The following FAM135A variants were observed in gnomAD, a reference collection of about 807,000 sequenced individuals.
FAM135A encodes protein FAM135A.
Under a neutral mutation model 146.8 loss-of-function variants are expected in FAM135A, and 79 were observed. That is an observed-to-expected ratio of 0.54 (90% CI 0.45 to 0.65). The LOEUF (loss-of-function observed/expected upper bound fraction) is 0.65. Among genes scored for constraint, FAM135A ranks in the 30% least tolerant of loss-of-function variants. The probability of loss-of-function intolerance (pLI) is 0.00; values close to 1 mark genes in which losing one functional copy is unlikely to be tolerated. For synonymous variants in FAM135A, 562 were observed against 603.6 expected, an observed-to-expected ratio of 0.93 and a Z score of 1.01; for missense variants, 1,623 against 1,758.2, an observed-to-expected ratio of 0.92 and a Z score of 1.38.
intron 11 of FAM135A, among the ~76,000 whole-genome samples, chr6:70,496,910 C>G (rs932911885): frequency 1.3e-5 from 2 of 152,036 alleles, no homozygotes; most frequent in African/African-American, 4.8e-5. Context: ...TTACTGTAGC[C>G]TTGCAGTGTA....
intron 5 of FAM135A, among the ~76,000 whole-genome samples, chr6:70,472,913 C>T (rs1781891939): frequency 6.6e-6 from 1 of 152,126 alleles, no homozygotes; most frequent in Non-Finnish European, 1.5e-5. Flanking sequence ...TTGTCCAATT[C>T]CTAATAATGT....
intron 12 of FAM135A, among the ~76,000 whole-genome samples, chr6:70,516,144 A>G (rs965861685): frequency 6.6e-6 from 1 of 152,136 alleles, no homozygotes; most frequent in Non-Finnish European, 1.5e-5. Flanking sequence ...TTCTCCTCTC[A>G]TGGTCTCAGT....
At chr6:70,446,447 T>A (rs1739334) in intron 4 of FAM135A, among the ~76,000 whole-genome samples, 11,422 of 152,178 alleles carry the variant, frequency 0.075, 1,425 homozygotes, top group African/African-American at 0.26. Context: ...AACATCCCCT[T>A]AGGGGATCAA....
intron 5 of FAM135A, among the ~76,000 whole-genome samples, chr6:70,466,260 T>C (rs905167860): frequency 6.6e-6 from 1 of 152,186 alleles, no homozygotes; most frequent in African/African-American, 2.4e-5. Flanking sequence ...ATTTAAGAAA[T>C]AGAACATTAC....
chr6:70,538,835 A>ATTATATTATATTATATTATATTATG (rs1562005768), intron 20 of FAM135A, among the ~76,000 whole-genome samples: 70 of 146,066 alleles, frequency 4.8e-4, no homozygotes, highest in African/African-American at 1.8e-3. Flanking sequence ...ATTATATTAT[A>ATTATATTATATTATATTATATTATG]TTATATTATA....
intron 20 of FAM135A, among the ~76,000 whole-genome samples, chr6:70,549,560 A>G (rs1799439180): frequency 6.6e-6 from 1 of 152,128 alleles, no homozygotes; most frequent in Admixed American, 6.6e-5. Flanking sequence ...AGGGCATATA[A>G]AAGTTATATT....
chr6:70,496,346 A>G (rs921379999), intron 11 of FAM135A, among the ~76,000 whole-genome samples: 27 of 152,140 alleles, frequency 1.8e-4, no homozygotes, highest in African/African-American at 5.8e-4. Flanking sequence ...CCACTTTTCA[A>G]TGGGGTTGTT....
intron 2 of FAM135A, among the ~76,000 whole-genome samples, chr6:70,418,840 C>G (rs556648281): frequency 2.2e-4 from 34 of 152,304 alleles, no homozygotes; most frequent in African/African-American, 8.2e-4. Flanking sequence ...CACCAGATAG[C>G]AGGTTTGGGG....
At chr6:70,512,505 C>T (rs1791232637) in intron 12 of FAM135A, among the ~76,000 whole-genome samples, 1 of 151,612 alleles carries the variant, frequency 6.6e-6, no homozygotes, top group Admixed American at 6.6e-5. Context: ...TCAGTTGTTC[C>T]ACATGCTTGT....
rs188574193 is a variant in FAM135A at position 70,447,359 on chromosome 6, A to G, written c.78-5133A>G. Among the ~76,000 whole-genome samples, 21 of 152,350 alleles carry G rather than the reference A, an allele frequency of 1.4e-4. No homozygotes were observed. In the East Asian group the frequency reaches 3.9e-3, roughly 28 times the overall value. Reference sequence around the variant, plus strand: ...CTGGCTCTGCTTTCCAGGGAACAGAAGTAGATATAACAATTTGAATTTCCC... The same window carrying G: ...CTGGCTCTGCTTTCCAGGGAACAGAGGTAGATATAACAATTTGAATTTCCC... On this transcript the variant is annotated intron_variant, in intron 4 of 21. Transcript: ENST00000418814.
At chr6:70,468,774 T>C (rs1415186192) in intron 5 of FAM135A, among the ~76,000 whole-genome samples, 2 of 152,224 alleles carry the variant, frequency 1.3e-5, no homozygotes, top group Admixed American at 6.5e-5. Context: ...AGAACAATTC[T>C]GATCTCTGCA....
chr6:70,466,249 C>T (rs1780458807), intron 5 of FAM135A, among the ~76,000 whole-genome samples: 1 of 152,200 alleles, frequency 6.6e-6, no homozygotes, highest in South Asian at 2.1e-4. Context: ...CCCAACCTTT[C>T]ATTTAAGAAA....
intron 13 of FAM135A, 64 bp from the exon 14 acceptor site, chr6:70,523,903 T>C: frequency 7.2e-6 from 11 of 1,518,860 alleles, no homozygotes; most frequent in Non-Finnish European, 8.9e-6. Context: ...AAGGGTAGAT[T>C]CTACAAAGGG....
At chr6:70,426,731 T>C (rs1468282179) in intron 3 of FAM135A, 199 bp downstream of exon 3, 1 of 152,210 alleles carries the variant, frequency 6.6e-6, no homozygotes, top group East Asian at 1.9e-4. Context: ...TTTATGCTCA[T>C]AGCACTAGCA....
chr6:70,486,229 A>G (rs1337090199), intron 10 of FAM135A: 2 of 1,613,810 alleles, frequency 1.2e-6, no homozygotes, highest in Admixed American at 1.7e-5. Context: ...ACGAACACAG[A>G]AAGACAACCA....
chr6:70,491,448 C>G (rs1785961568), intron 11 of FAM135A, among the ~76,000 whole-genome samples: 1 of 151,792 alleles, frequency 6.6e-6, no homozygotes, highest in South Asian at 2.1e-4. Context: ...TTCAGTAGAT[C>G]AATTTGCTTC....
At chr6:70,536,837 G>A (rs550853320) in intron 19 of FAM135A, among the ~76,000 whole-genome samples, 67 of 151,850 alleles carry the variant, frequency 4.4e-4, no homozygotes, top group African/African-American at 1.3e-3. Flanking sequence ...TAATTTTTAC[G>A]AAGGTGATTC....
chr6:70,459,401 TA>T (rs1350082657), intron 5 of FAM135A, among the ~76,000 whole-genome samples: 2 of 152,178 alleles, frequency 1.3e-5, no homozygotes, highest in African/African-American at 4.8e-5. Flanking sequence ...AGCACAAGAT[TA>T]TGCTGACAGT....
At chr6:70,445,823 G>A (rs1020001104) in intron 4 of FAM135A, among the ~76,000 whole-genome samples, 1 of 152,110 alleles carries the variant, frequency 6.6e-6, no homozygotes, top group South Asian at 2.1e-4. Context: ...CCAGTTTTGG[G>A]GCCAGTTTAA....
Sources: allele counts gnomAD v4.1 joint callset (sites outside exome capture counted in the v4.1 genomes callset), GRCh38; gene constraint gnomAD v4.1.1; transcripts MANE v1.5; gene names NCBI Gene and HGNC (gene_info 2026-07-23, HGNC 2026-07-21).